TMEM45A: variants seen among roughly 807,000 people sequenced by gnomAD.
The protein encoded by TMEM45A is transmembrane protein 45A.
Under a neutral mutation model 32.0 loss-of-function variants are expected in TMEM45A, and 25 were observed. That is an observed-to-expected ratio of 0.78 (90% CI 0.57 to 1.09). TMEM45A has a LOEUF of 1.09. Ranked by LOEUF, TMEM45A falls within the 50% of genes least tolerant of loss-of-function variation. TMEM45A has a pLI of 0.00. For missense variants in TMEM45A, 302 were observed against 325.0 expected (o/e 0.93, Z 0.54); for synonymous variants, 122 against 114.8 (o/e 1.06, Z -0.40).
intron 1 of TMEM45A, among the ~76,000 whole-genome samples, chr3:100,529,139 G>A (rs908035827): frequency 6.6e-6 from 1 of 152,158 alleles, no homozygotes; most frequent in Admixed American, 6.5e-5. Context: ...GACCTCAAAT[G>A]TTTGGTTGTG....
At chr3:100,506,402 C>G (rs1038652903) in intron 1 of TMEM45A, among the ~76,000 whole-genome samples, 3 of 152,144 alleles carry the variant, frequency 2.0e-5, no homozygotes, top group African/African-American at 7.2e-5. Flanking sequence ...TTCACAGTAT[C>G]TGACACCCCA....
At chr3:100,513,102 G>T (rs1299645912) in intron 1 of TMEM45A, among the ~76,000 whole-genome samples, 11 of 149,226 alleles carry the variant, frequency 7.4e-5, no homozygotes, top group Admixed American at 2.7e-4. Flanking sequence ...AGAAAAAGAG[G>T]GAATCCTCCC....
chr3:100,495,511 A>C lies in TMEM45A; in HGVS notation c.-4+2583A>C, dbSNP rs151028340. ...GGAAAGGTGGGAGAGGTGGGAAGGG[A>C]CAGCATAAATTACCTGATAAGGAAA... On this transcript the variant is annotated intron_variant, in intron 1 of 5. Coordinates refer to ENST00000323523, the MANE Select transcript of TMEM45A (RefSeq NM_018004.3). 2.7e-3 allele frequency among the ~76,000 whole-genome samples: 405 copies of C among 152,264 alleles called. 2 individuals carry two copies. The highest frequency in any genetic ancestry group is 9.2e-3 in the African/African-American group (384 of 41,550).
chr3:100,570,545 A>T (rs191405799), intron 5 of TMEM45A: 1 of 152,482 alleles, frequency 6.6e-6, no homozygotes. Context: ...AAGCATGTGC[A>T]TGTGCTCCTT....
chr3:100,560,741 G>C (rs1208428279), intron 4 of TMEM45A, among the ~76,000 whole-genome samples: 1 of 152,076 alleles, frequency 6.6e-6, no homozygotes, highest in Non-Finnish European at 1.5e-5. Flanking sequence ...AAGAAAGGCA[G>C]GACAAGAGGG....
intron 1 of TMEM45A, among the ~76,000 whole-genome samples, chr3:100,513,822 T>C (rs1246042583): frequency 6.6e-6 from 1 of 152,146 alleles, no homozygotes; most frequent in Non-Finnish European, 1.5e-5. Context: ...AGCATTCTTA[T>C]ACACCAATAA....
intron 1 of TMEM45A, 135 bp from the exon 2 acceptor site, chr3:100,555,074 A>G: frequency 1.3e-6 from 1 of 741,726 alleles, no homozygotes; most frequent in Non-Finnish European, 2.2e-6. Context: ...ACAGTAATGT[A>G]GGATCCTCAG....
chr3:100,565,515 C>A (rs1706413007), intron 4 of TMEM45A, among the ~76,000 whole-genome samples: 1 of 151,810 alleles, frequency 6.6e-6, no homozygotes. Context: ...TAATCATGGG[C>A]AAATCACTAA....
At chr3:100,554,119 T>C (rs1021116802) in intron 1 of TMEM45A, among the ~76,000 whole-genome samples, 23 of 152,206 alleles carry the variant, frequency 1.5e-4, no homozygotes, top group South Asian at 2.1e-4. Flanking sequence ...ATTCTGTTGA[T>C]GGTATGATAT....
chr3:100,543,219 T>C lies in TMEM45A; in HGVS notation c.-3-11990T>C, dbSNP rs79562471. Among the ~76,000 whole-genome samples, 238 of 152,320 alleles carry C rather than the reference T, an allele frequency of 1.6e-3. 1 individual carries two copies. Among genetic ancestry groups the C allele is most frequent in the African/African-American group, 5.5e-3 (229 of 41,586 alleles). Reference sequence around the variant, plus strand: ...TGGTAGTATTATATTCTGTTGTATATATATTACATCATATTATTTATTCAT... The same window carrying C: ...TGGTAGTATTATATTCTGTTGTATACATATTACATCATATTATTTATTCAT... On this transcript the variant is annotated intron_variant, in intron 1 of 5. Coordinates refer to ENST00000323523, the MANE Select transcript of TMEM45A (RefSeq NM_018004.3).
intron 1 of TMEM45A, among the ~76,000 whole-genome samples, chr3:100,532,245 C>T (rs540937500): frequency 7.2e-5 from 11 of 152,328 alleles, no homozygotes; most frequent in Admixed American, 6.5e-4. Flanking sequence ...GCCTCCTGCT[C>T]TCCCCGACAT....
chr3:100,523,940 T>C (rs966179791), intron 1 of TMEM45A, among the ~76,000 whole-genome samples: 1 of 152,240 alleles, frequency 6.6e-6, no homozygotes, highest in Non-Finnish European at 1.5e-5. Context: ...GAACTTCAAG[T>C]GCCACCATTT....
chr3:100,532,548 A>C (rs1311709198), intron 1 of TMEM45A, among the ~76,000 whole-genome samples: 1 of 152,186 alleles, frequency 6.6e-6, no homozygotes, highest in African/African-American at 2.4e-5. Context: ...CTTTGTCTTT[A>C]TGCCATGATC....
intron 4 of TMEM45A, among the ~76,000 whole-genome samples, chr3:100,559,874 T>C (rs1052265735): frequency 6.6e-6 from 1 of 152,004 alleles, no homozygotes; most frequent in Non-Finnish European, 1.5e-5. Flanking sequence ...AACAATAAAG[T>C]AGAAAACACT....
chr3:100,577,276 C>G lies in TMEM45A; in HGVS notation c.*258C>G, dbSNP rs1216760243. On this transcript the variant is annotated 3_prime_UTR_variant, in exon 6 of 6. Coordinates refer to ENST00000323523, the MANE Select transcript of TMEM45A (RefSeq NM_018004.3). The stretch of plus-strand genomic sequence containing the variant: ...CTAGAGTGATTTTTTTCCAGATTAT[C>G]TAAAGTTGGATGCCCACACTATGAA... 2 of 330,132 alleles carry G rather than the reference C, an allele frequency of 6.1e-6. No individual in the cohort carries two copies. The highest frequency in any genetic ancestry group is 4.4e-5 in the African/African-American group (2 of 45,376). The allele number at this position is 330,132 out of a possible 1,614,324, so 20.5% of individuals were successfully genotyped here.
At chr3:100,511,627 T>C (rs1708163387) in intron 1 of TMEM45A, among the ~76,000 whole-genome samples, 1 of 151,032 alleles carries the variant, frequency 6.6e-6, no homozygotes, top group African/African-American at 2.4e-5. Context: ...ATAACAATAT[T>C]AACTTTAAAT....
At chr3:100,524,320 C>T (rs899225152) in intron 1 of TMEM45A, among the ~76,000 whole-genome samples, 20 of 152,172 alleles carry the variant, frequency 1.3e-4, no homozygotes, top group African/African-American at 4.8e-4. Context: ...CCTCTCTTAC[C>T]AGGGTTGATA....
At chr3:100,509,487 T>C (rs1449707264) in intron 1 of TMEM45A, among the ~76,000 whole-genome samples, 7 of 152,222 alleles carry the variant, frequency 4.6e-5, no homozygotes. Flanking sequence ...TGTACTCCCA[T>C]GTTTATTGCA....
At chr3:100,504,392 G>A (rs1224216169) in intron 1 of TMEM45A, among the ~76,000 whole-genome samples, 1 of 152,192 alleles carries the variant, frequency 6.6e-6, no homozygotes, top group Non-Finnish European at 1.5e-5. Context: ...ACAGGGTGTG[G>A]TTGAAATAGC....
Sources: gnomAD v4.1 joint callset for allele counts (sites outside exome capture counted in the v4.1 genomes callset) on GRCh38, gnomAD v4.1.1 for gene constraint, MANE v1.5 for transcripts, NCBI Gene and HGNC (gene_info 2026-07-23, HGNC 2026-07-21) for gene names.